BLTP1: variants seen among roughly 807,000 people sequenced by gnomAD.
The protein encoded by BLTP1 is bridge-like lipid transfer protein family member 1, also known as fragile site-associated protein.
the BLTP1 span, chr4:122,290,850 T>C: frequency 2.0e-3 from 193 of 96,040 alleles, no homozygotes; most frequent in African/African-American, 4.8e-3. Flanking sequence ...CACACACACA[T>C]AATATTATAT....
chr4:122,298,550 T>C, the BLTP1 span: 1 of 419,884 alleles, frequency 2.4e-6, no homozygotes, highest in Non-Finnish European at 3.2e-6. Context: ...TATAATCCAT[T>C]CCATAGTTAC....
chr4:122,210,857 A>G, the BLTP1 span: 5 of 1,604,750 alleles, frequency 3.1e-6, no homozygotes, highest in Admixed American at 3.4e-5. Context: ...CCCCTCAAAC[A>G]TTAGTCTTTT....
the BLTP1 span, among the ~76,000 whole-genome samples, chr4:122,245,879 C>T: frequency 6.6e-6 from 1 of 152,072 alleles, no homozygotes; most frequent in Non-Finnish European, 1.5e-5. Flanking sequence ...GTTTAGTGAT[C>T]TTAAAAAATG....
the BLTP1 span, among the ~76,000 whole-genome samples, chr4:122,310,082 AAGG>A: frequency 6.6e-6 from 1 of 152,020 alleles, no homozygotes; most frequent in South Asian, 2.1e-4. Flanking sequence ...AATTATAAAT[AAGG>A]AGTTAAAAGG....
the BLTP1 span, chr4:122,340,655 CAAAA>C: frequency 2.2e-6 from 2 of 919,464 alleles, no homozygotes; most frequent in Middle Eastern, 5.5e-4. Flanking sequence ...AATTGGAAAA[CAAAA>C]AGGCTGATAC....
the BLTP1 span, among the ~76,000 whole-genome samples, chr4:122,296,049 A>G: frequency 6.6e-6 from 1 of 152,098 alleles, no homozygotes; most frequent in African/African-American, 2.4e-5. Context: ...CTCTTTCACC[A>G]CTCTTATTCA....
chr4:122,154,741 G>A, the BLTP1 span, among the ~76,000 whole-genome samples: 9,751 of 152,018 alleles, frequency 0.064, 887 homozygotes, highest in African/African-American at 0.2. Context: ...ACGTGGTGGC[G>A]GGTGCCTGTA....
the BLTP1 span, chr4:122,196,663 C>T: frequency 6.2e-7 from 1 of 1,609,056 alleles, no homozygotes; most frequent in Non-Finnish European, 8.5e-7. Context: ...TTTCTTTCCA[C>T]CTGACTATCA....
chr4:122,167,493 C>G, the BLTP1 span, among the ~76,000 whole-genome samples: 17 of 152,124 alleles, frequency 1.1e-4, no homozygotes, highest in Admixed American at 8.5e-4. Context: ...ATGCTCTTTT[C>G]TCTCTGCTCA....
At chr4:122,354,206 C>T in the BLTP1 span, among the ~76,000 whole-genome samples, 1 of 152,026 alleles carries the variant, frequency 6.6e-6, no homozygotes, top group Non-Finnish European at 1.5e-5. Flanking sequence ...ATGGACTCAA[C>T]TTATTTTAGA....
the BLTP1 span, chr4:122,309,278 G>C: frequency 6.2e-7 from 1 of 1,611,610 alleles, no homozygotes; most frequent in Non-Finnish European, 8.5e-7. Context: ...TAATCATACT[G>C]GAGACCTTGA....
the BLTP1 span, among the ~76,000 whole-genome samples, chr4:122,182,062 A>G: frequency 6.6e-6 from 1 of 152,192 alleles, no homozygotes; most frequent in African/African-American, 2.4e-5. Flanking sequence ...TAAGCCAAAA[A>G]CAATTTAAAT....
At chr4:122,258,745 C>T in the BLTP1 span, 72,301 of 1,613,564 alleles carry the variant, frequency 0.045, 1,909 homozygotes, top group Non-Finnish European at 0.054. Flanking sequence ...AACAGCTAAC[C>T]GGCCTCCACC....
chr4:122,254,106 A>G, the BLTP1 span: 8 of 1,222,430 alleles, frequency 6.5e-6, no homozygotes, highest in Middle Eastern at 4.2e-4. Context: ...GATTTGATGA[A>G]AAGGTTTTGC....
the BLTP1 span, chr4:122,204,377 C>T: frequency 1.1e-6 from 1 of 904,378 alleles, no homozygotes; most frequent in Non-Finnish European, 1.3e-6. Context: ...AGTATTTTGC[C>T]ATTTACAAAG....
At chr4:122,314,223 A>G in the BLTP1 span, 1 of 572,150 alleles carries the variant, frequency 1.7e-6, no homozygotes, top group Non-Finnish European at 2.2e-6. Context: ...ATAATGTAAC[A>G]TGAATCATGA....
chr4:122,346,695 G>A, the BLTP1 span: 2 of 1,613,420 alleles, frequency 1.2e-6, no homozygotes, highest in Non-Finnish European at 1.7e-6. Flanking sequence ...GCATTTCCAA[G>A]AGCATGGTAT....
chr4:122,207,074 C>T, the BLTP1 span: 2 of 1,553,198 alleles, frequency 1.3e-6, no homozygotes, highest in East Asian at 2.4e-5. Flanking sequence ...TTTCAACTAA[C>T]TTTACAATTT....
the BLTP1 span, chr4:122,169,522 A>T: frequency 1.3e-5 from 7 of 559,082 alleles, no homozygotes; most frequent in Non-Finnish European, 1.6e-5. Flanking sequence ...TAGTTTTGTT[A>T]TCGGTAGGTT....
Sources: allele counts gnomAD v4.1 joint callset (sites outside exome capture counted in the v4.1 genomes callset), GRCh38; gene constraint gnomAD v4.1.1; transcripts MANE v1.5; gene names NCBI Gene and HGNC (gene_info 2026-07-23, HGNC 2026-07-21).